The following WWOX variants were observed in gnomAD, a reference collection of about 807,000 sequenced individuals.
The protein encoded by WWOX is WW domain containing oxidoreductase.
Under a neutral mutation model 46.2 loss-of-function variants are expected in WWOX, and 69 were observed. The ratio of observed to expected loss-of-function variants is 1.49; its 90% CI spans 1.23 to 1.82. WWOX has a LOEUF of 1.82. Ranked by LOEUF, WWOX falls within the 40% of genes most tolerant of loss-of-function variation. The pLI is 0.00. For synonymous variants in WWOX, 359 were observed against 202.6 expected (o/e 1.77, Z -6.56); for missense variants, 919 against 542.6 (o/e 1.69, Z -6.89).
chr16:78,909,600 T>G (rs2151253463), intron 8 of WWOX, among the ~76,000 whole-genome samples: 1 of 152,332 alleles, frequency 6.6e-6, no homozygotes, highest in South Asian at 2.1e-4. Flanking sequence ...AGAGGCTTTC[T>G]GGAAATGATG....
intron 8 of WWOX, among the ~76,000 whole-genome samples, chr16:79,209,517 C>G (rs571552101): frequency 6.6e-6 from 1 of 152,070 alleles, no homozygotes; most frequent in Non-Finnish European, 1.5e-5. Flanking sequence ...GCATAGAGGG[C>G]GGGAGGCTGG....
At chr16:78,184,906 A>G (rs555108111) in intron 5 of WWOX, among the ~76,000 whole-genome samples, 2 of 152,362 alleles carry the variant, frequency 1.3e-5, no homozygotes, top group African/African-American at 2.4e-5. Context: ...GGCTTGAAAC[A>G]ACAAAGGTTT....
intron 8 of WWOX, among the ~76,000 whole-genome samples, chr16:78,968,270 G>A (rs1316142600): frequency 1.3e-5 from 2 of 152,236 alleles, no homozygotes; most frequent in Non-Finnish European, 2.9e-5. Flanking sequence ...AGACTATCCA[G>A]AAACTGTGCC....
chr16:78,711,969 A>C (rs2048453633), intron 8 of WWOX, among the ~76,000 whole-genome samples: 1 of 152,206 alleles, frequency 6.6e-6, no homozygotes, highest in Admixed American at 6.5e-5. Flanking sequence ...CCTCTTGGAC[A>C]TTAAATCTTC....
At chr16:78,187,131 T>G (rs2035735674) in intron 5 of WWOX, among the ~76,000 whole-genome samples, 1 of 152,210 alleles carries the variant, frequency 6.6e-6, no homozygotes, top group African/African-American at 2.4e-5. Context: ...TTTTTATTCT[T>G]TGAGTTATAT....
At chr16:78,337,405 C>T (rs1460429873) in intron 5 of WWOX, among the ~76,000 whole-genome samples, 1 of 152,140 alleles carries the variant, frequency 6.6e-6, no homozygotes, top group East Asian at 1.9e-4. Flanking sequence ...GATCCCTGGT[C>T]CTGCCCCTGG....
chr16:78,141,083 T>G (rs1241460949), intron 4 of WWOX, among the ~76,000 whole-genome samples: 5 of 152,188 alleles, frequency 3.3e-5, no homozygotes, highest in African/African-American at 1.2e-4. Context: ...TCATCAGACA[T>G]TAGGAACCAA....
At chr16:79,054,437 C>G (rs2048225397) in intron 8 of WWOX, among the ~76,000 whole-genome samples, 1 of 152,136 alleles carries the variant, frequency 6.6e-6, no homozygotes, top group Non-Finnish European at 1.5e-5. Flanking sequence ...TTCAAGATGA[C>G]AACAGGGAGA....
chr16:78,398,242 A>T (rs139468105), intron 6 of WWOX, among the ~76,000 whole-genome samples: 29 of 152,166 alleles, frequency 1.9e-4, no homozygotes, highest in African/African-American at 6.7e-4. Context: ...GCTGTGGCCC[A>T]CCCAGGCCTC....
chr16:78,846,082 C>G lies in WWOX; in HGVS notation c.1057-365526C>G, dbSNP rs550134354. Among the ~76,000 whole-genome samples, 6 of 152,298 alleles carry G rather than the reference C, an allele frequency of 3.9e-5. No individual in the cohort carries two copies. The South Asian group carries it at 1.2e-3, about 32-fold the overall frequency. ...TGGCACAAGTGGATTTGAATTCAGA[C>G]TTAGTCATCAGGAGCTGTGGGACCT... On this transcript the variant is annotated intron_variant, in intron 8 of 8. Transcript: ENST00000566780.
At chr16:78,219,717 A>G (rs2036831451) in intron 5 of WWOX, among the ~76,000 whole-genome samples, 1 of 152,168 alleles carries the variant, frequency 6.6e-6, no homozygotes, top group Non-Finnish European at 1.5e-5. Context: ...ACCACGACGA[A>G]TACTGAGAAG....
At chr16:79,006,602 G>A (rs759519988) in intron 8 of WWOX, among the ~76,000 whole-genome samples, 6 of 151,418 alleles carry the variant, frequency 4.0e-5, no homozygotes, top group Non-Finnish European at 5.9e-5. Context: ...CAAATGTACC[G>A]TCTTAAAAAC....
chr16:79,055,979 C>G (rs984469512), intron 8 of WWOX, among the ~76,000 whole-genome samples: 2 of 152,120 alleles, frequency 1.3e-5, no homozygotes, highest in African/African-American at 4.8e-5. Flanking sequence ...TTCTTTCATT[C>G]TCTGATCTGT....
At chr16:78,510,073 G>A (rs1318070657) in intron 8 of WWOX, among the ~76,000 whole-genome samples, 1 of 151,064 alleles carries the variant, frequency 6.6e-6, no homozygotes, top group Non-Finnish European at 1.5e-5. Flanking sequence ...AAGTCTGTCT[G>A]TCTGTCTGTC....
intron 8 of WWOX, among the ~76,000 whole-genome samples, chr16:78,519,606 T>C (rs1208085293): frequency 6.6e-6 from 1 of 152,072 alleles, no homozygotes; most frequent in East Asian, 1.9e-4. Context: ...ATCCTAATCC[T>C]CAAGGTCGTG....
chr16:78,240,460 G>A (rs957994138), intron 5 of WWOX, among the ~76,000 whole-genome samples: 1 of 152,154 alleles, frequency 6.6e-6, no homozygotes. Context: ...CAGAAACGAG[G>A]AGAGAAACCT....
At chr16:78,413,693 G>A (rs1278763635) in intron 6 of WWOX, among the ~76,000 whole-genome samples, 5 of 151,946 alleles carry the variant, frequency 3.3e-5, no homozygotes, top group Admixed American at 6.6e-5. Flanking sequence ...CCTGGGCTCA[G>A]AGGCCTGACA....
At chr16:78,287,202 G>A (rs1366877740) in intron 5 of WWOX, among the ~76,000 whole-genome samples, 1 of 152,224 alleles carries the variant, frequency 6.6e-6, no homozygotes, top group African/African-American at 2.4e-5. Flanking sequence ...AGTAAATGAG[G>A]CTTCATGCTT....
At chr16:79,134,115 C>A (rs929405060) in intron 8 of WWOX, among the ~76,000 whole-genome samples, 2 of 151,518 alleles carry the variant, frequency 1.3e-5, no homozygotes, top group South Asian at 4.2e-4. Context: ...ATATGCTGAT[C>A]TGGGTGAGGT....
Sources: allele counts gnomAD v4.1 joint callset (sites outside exome capture counted in the v4.1 genomes callset), GRCh38; gene constraint gnomAD v4.1.1; transcripts MANE v1.5; gene names NCBI Gene and HGNC (gene_info 2026-07-23, HGNC 2026-07-21).